UBE3D: variants seen among roughly 807,000 people sequenced by gnomAD.
UBE3D encodes the protein ubiquitin protein ligase E3D.
UBE3D carries 48 observed loss-of-function variants against 49.6 expected under a neutral mutation model. The ratio of observed to expected loss-of-function variants is 0.97; its 90% CI spans 0.77 to 1.23. The LOEUF (loss-of-function observed/expected upper bound fraction) is 1.23, where lower values mean the gene tolerates loss of function less well. UBE3D is among the 50% of genes most tolerant of loss of function. The probability of loss-of-function intolerance (pLI) is 0.00; values close to 1 mark genes in which losing one functional copy is unlikely to be tolerated. For missense variants in UBE3D, 452 were observed against 468.4 expected (o/e 0.96, Z 0.32); for synonymous variants, 189 against 174.2 (o/e 1.08, Z -0.67).
chr6:82,959,151 C>CT (rs1776368523), intron 8 of UBE3D, among the ~76,000 whole-genome samples: 1 of 151,530 alleles, frequency 6.6e-6, no homozygotes, highest in African/African-American at 2.4e-5. Flanking sequence ...ACCATGTCCT[C>CT]TAATTTTTTT....
At chr6:82,946,292 C>T (rs1370413436) in intron 9 of UBE3D, among the ~76,000 whole-genome samples, 1 of 152,016 alleles carries the variant, frequency 6.6e-6, no homozygotes, top group South Asian at 2.1e-4. Flanking sequence ...CAATGGAGAT[C>T]CAATACACCT....
chr6:83,051,271 C>T (rs1361393889), intron 3 of UBE3D, among the ~76,000 whole-genome samples: 1 of 152,110 alleles, frequency 6.6e-6, no homozygotes, highest in East Asian at 1.9e-4. Context: ...AACCCAGGTC[C>T]CCATTCTCCT....
Position 82,894,736 on chromosome 6 carries a change from A to C in UBE3D, c.1150-1694T>G, listed in dbSNP as rs146480677. 3.1e-3 allele frequency among the ~76,000 whole-genome samples: 474 copies of C among 152,298 alleles called. 3 individuals are homozygous for C. Among genetic ancestry groups the C allele is most frequent in the Middle Eastern group, 0.014 (4 of 294 alleles). On this transcript the variant is annotated intron_variant, in intron 9 of 9. Transcript: ENST00000369747. ...AGAGAGGCCAGTAGAGCCTGTTATAATAGACAGAGGAAGGAAGACCAGAAG... is the reference window on the plus strand; with the variant it reads ...AGAGAGGCCAGTAGAGCCTGTTATACTAGACAGAGGAAGGAAGACCAGAAG...
chr6:83,033,648 C>T (rs1323824313), intron 5 of UBE3D, among the ~76,000 whole-genome samples: 1 of 152,148 alleles, frequency 6.6e-6, no homozygotes, highest in Non-Finnish European at 1.5e-5. Context: ...TGCCTCACTC[C>T]TCCTGTTTTG....
intron 9 of UBE3D, among the ~76,000 whole-genome samples, chr6:82,926,690 T>G (rs182528182): frequency 1.3e-5 from 2 of 152,256 alleles, no homozygotes; most frequent in East Asian, 3.9e-4. Flanking sequence ...ACATGTGATG[T>G]GTAGTATCTT....
At chr6:82,982,987 TTCTC>T (rs771709038) in intron 8 of UBE3D, among the ~76,000 whole-genome samples, 14 of 151,834 alleles carry the variant, frequency 9.2e-5, no homozygotes, top group Admixed American at 2.0e-4. Context: ...CCAATGAAAT[TTCTC>T]TCTTTTTTTC....
intron 8 of UBE3D, among the ~76,000 whole-genome samples, chr6:82,995,955 T>C (rs1156458331): frequency 6.6e-6 from 1 of 152,100 alleles, no homozygotes; most frequent in East Asian, 1.9e-4. Flanking sequence ...CAATCCCAGC[T>C]ACTGGGAGGC....
intron 3 of UBE3D, among the ~76,000 whole-genome samples, chr6:83,048,217 A>G (rs549743875): frequency 6.6e-6 from 1 of 151,830 alleles, no homozygotes; most frequent in African/African-American, 2.4e-5. Context: ...GGCAGGTAGG[A>G]TGGTGGCAAA....
At chr6:82,881,388 C>G in the UBE3D span, among the ~76,000 whole-genome samples, 1 of 152,060 alleles carries the variant, frequency 6.6e-6, no homozygotes, top group Non-Finnish European at 1.5e-5. Flanking sequence ...AATAAGAGGA[C>G]AGAGAGAGAC....
At chr6:82,887,711 C>CAAA (rs898209606), downstream of UBE3D, among the ~76,000 whole-genome samples, 1,007 of 147,598 alleles carry the variant, frequency 6.8e-3, 13 homozygotes, top group Middle Eastern at 0.017. Context: ...TCCATCCCCC[C>CAAA]AAAAAAAAAG....
chr6:83,004,307 T>C (rs565306778), intron 8 of UBE3D, among the ~76,000 whole-genome samples: 2 of 152,148 alleles, frequency 1.3e-5, no homozygotes, highest in Non-Finnish European at 2.9e-5. Flanking sequence ...TCACATCTCC[T>C]AATATTTTAT....
intron 1 of UBE3D, 104 bp from the exon 2 acceptor site, chr6:83,058,126 G>A (rs1783934441): frequency 1.8e-6 from 2 of 1,127,426 alleles, no homozygotes; most frequent in Non-Finnish European, 2.5e-6. Flanking sequence ...TCTTCAATAG[G>A]AGCTCTAAAG....
intron 9 of UBE3D, among the ~76,000 whole-genome samples, chr6:82,911,214 A>AACC (rs1394089015): frequency 4.7e-5 from 7 of 148,542 alleles, no homozygotes; most frequent in African/African-American, 1.8e-4. Context: ...AAAAAAAAAA[A>AACC]AAAAAAAAAC....
chr6:83,019,507 T>G (rs1780936135), intron 7 of UBE3D, among the ~76,000 whole-genome samples: 1 of 152,196 alleles, frequency 6.6e-6, no homozygotes, highest in Non-Finnish European at 1.5e-5. Flanking sequence ...TTAATGTAAC[T>G]AATAAATGTA....
In UBE3D at chr6:83,013,374, C is replaced by T. The variant is rs965504728; in HGVS notation, c.1010+5599G>A. ...TCCGCTAACAGCAGAGGCCCCCTTA[C>T]GAGGGCCTGCCAAAGGCTCCAACAG... On this transcript the variant is annotated intron_variant, in intron 8 of 9. Transcript: ENST00000369747. 7.2e-5 allele frequency among the ~76,000 whole-genome samples: 11 copies of T among 152,262 alleles called. 1 individual carries two copies. Among genetic ancestry groups the T allele is most frequent in the African/African-American group, 2.2e-4 (9 of 41,564 alleles).
chr6:82,895,772 A>T (rs1771271280), intron 9 of UBE3D, among the ~76,000 whole-genome samples: 1 of 152,224 alleles, frequency 6.6e-6, no homozygotes, highest in Non-Finnish European at 1.5e-5. Context: ...AAAGAAATTG[A>T]TTTCTAATCC....
intron 9 of UBE3D, among the ~76,000 whole-genome samples, chr6:82,906,103 T>C (rs1414176619): frequency 6.6e-6 from 1 of 152,186 alleles, no homozygotes; most frequent in Non-Finnish European, 1.5e-5. Context: ...CCAAATATCC[T>C]ATCAGTGACC....
chr6:83,031,305 A>G (rs1781852358), intron 5 of UBE3D, among the ~76,000 whole-genome samples: 2 of 152,216 alleles, frequency 1.3e-5, no homozygotes, highest in Non-Finnish European at 2.9e-5. Flanking sequence ...TACCATACCC[A>G]GCCTGGCGGA....
At chr6:82,957,098 C>T (rs1282340782) in intron 9 of UBE3D, among the ~76,000 whole-genome samples, 1 of 152,122 alleles carries the variant, frequency 6.6e-6, no homozygotes, top group Non-Finnish European at 1.5e-5. Context: ...CACTTCACTC[C>T]AGCCTGGGCA....
Sources: allele counts gnomAD v4.1 joint callset (sites outside exome capture counted in the v4.1 genomes callset), GRCh38; gene constraint gnomAD v4.1.1; transcripts MANE v1.5; gene names NCBI Gene and HGNC (gene_info 2026-07-23, HGNC 2026-07-21).